The following CUL9 variants were observed in gnomAD, a reference collection of about 807,000 sequenced individuals.
The protein encoded by CUL9 is cullin 9.
Under a neutral mutation model 272.6 loss-of-function variants are expected in CUL9, and 79 were observed. The ratio of observed to expected loss-of-function variants is 0.29; its 90% CI spans 0.24 to 0.35. The LOEUF is 0.35. Among genes scored for constraint, CUL9 ranks in the 10% least tolerant of loss-of-function variants. The pLI, the probability that CUL9 is intolerant of heterozygous loss-of-function variation, is 1.00. For missense variants in CUL9, 2,532 were observed against 3,255.6 expected (o/e 0.78, Z 5.41); for synonymous variants, 1,186 against 1,286.5 (o/e 0.92, Z 1.67).
chr6:43,203,295 G>A lies in CUL9; in HGVS notation c.3849+91G>A. 1 of 1,591,756 alleles carries A rather than the reference G, an allele frequency of 6.3e-7. No individual in the cohort carries two copies. On this transcript the variant is annotated intron_variant, in intron 18 of 40. Transcript: ENST00000252050. The surrounding 1 kb of genome is among the most constrained non-coding windows in gnomAD (Gnocchi z 5.0). ...CTTGGGAGATGGCCCAGGACCTGTTGAGTCCCAGAGATGTGGGGATGTCCT... is the reference window on the plus strand; with the variant it reads ...CTTGGGAGATGGCCCAGGACCTGTTAAGTCCCAGAGATGTGGGGATGTCCT...
rs370309721 is a variant in CUL9 at position 43,187,083 on chromosome 6, G to C, written c.1375G>C (p.Val459Leu). Residue 459 changes from valine to leucine, a missense_variant, in exon 5 of 41, where the codon GTG (valine) becomes CTG (leucine). By Grantham distance (32) the Val-to-Leu change is conservative. This residue lies in a region of CUL9 where 2,218 missense variants were observed against 2,788.6 expected (regional missense o/e 0.80). Transcript: ENST00000252050. ...TGTGGAGAAGGGGGCAGGGGCTACT[G>C]TGTTGGGCACAGGTGAGCCTAAGAG... is the stretch of plus-strand genomic sequence containing the variant. ...AAVEKGAGAT[V>L]LGTAFPSWDW... is the part of the protein sequence containing the mutation. 1.9e-6 allele frequency: 3 copies of C among 1,614,034 alleles called. No homozygotes were observed. Among genetic ancestry groups the C allele is most frequent in the Non-Finnish European group, 2.5e-6 (3 of 1,179,936 alleles).
At chr6:43,202,983 C>A in intron 17 of CUL9, 126 bp from the exon 18 acceptor site, 1 of 1,207,370 alleles carries the variant, frequency 8.3e-7, no homozygotes, top group Non-Finnish European at 1.2e-6. Context: ...AGAGCCACGT[C>A]CATCCCTAGG....
At chr6:43,193,229 G>T in intron 9 of CUL9, 21 bp downstream of exon 9, 1 of 1,609,798 alleles carries the variant, frequency 6.2e-7, no homozygotes, top group Non-Finnish European at 8.5e-7. Flanking sequence ...TGGGCCTGGC[G>T]GGAGAGAACA....
intron 20 of CUL9, 107 bp from the exon 21 acceptor site, chr6:43,204,253 C>G (rs1774866937): frequency 7.2e-7 from 1 of 1,380,594 alleles, no homozygotes; most frequent in Non-Finnish European, 1.0e-6. Context: ...TAGGGCCCCA[C>G]TACCCCTCAA....
chr6:43,222,435 T>C, intron 36 of CUL9, 45 bp downstream of exon 36: 1 of 657,048 alleles, frequency 1.5e-6, no homozygotes, highest in Non-Finnish European at 2.5e-6. Context: ...AGAAGCAGGT[T>C]GGGGTGGTGG....
At position 43,213,615 on chromosome 6, in the gene CUL9, C is replaced by G; in HGVS notation, c.5488+48C>G. On this transcript the variant is annotated intron_variant, in intron 28 of 40. Transcript: ENST00000252050. The surrounding 1 kb of genome is among the most constrained non-coding windows in gnomAD (Gnocchi z 5.7). ...GAGCCTCTGCTGCTGGTCGGGGGGTCGCCCTCAAGATGGGGGGACTGTGAG... is the reference window on the plus strand; with the variant it reads ...GAGCCTCTGCTGCTGGTCGGGGGGTGGCCCTCAAGATGGGGGGACTGTGAG... 1 of 1,601,976 alleles carries G rather than the reference C, an allele frequency of 6.2e-7. No individual in the cohort carries two copies. Among genetic ancestry groups the G allele is most frequent in the Non-Finnish European group, 8.5e-7 (1 of 1,173,396 alleles).
chr6:43,188,877 G>A (rs980406914), intron 8 of CUL9, 162 bp downstream of exon 8: 16 of 581,768 alleles, frequency 2.8e-5, no homozygotes, highest in South Asian at 2.3e-4. Flanking sequence ...TTAATGGCTC[G>A]TATTCTTGGA....
intron 1 of CUL9, among the ~76,000 whole-genome samples, chr6:43,183,737 C>G (rs866346091): frequency 6.9e-6 from 1 of 144,922 alleles, no homozygotes; most frequent in African/African-American, 2.6e-5. Context: ...TTCCTTCCTT[C>G]CTCTCTCTCT....
At chr6:43,214,262 A>G (rs1775754229) in intron 29 of CUL9, among the ~76,000 whole-genome samples, 1 of 152,018 alleles carries the variant, frequency 6.6e-6, no homozygotes, top group Admixed American at 6.6e-5. Flanking sequence ...TCTACCAAAA[A>G]TATAAAAATT....
Position 43,223,192 on chromosome 6 carries a change from T to C in CUL9, c.7151-72T>C. On this transcript the variant is annotated intron_variant, in intron 38 of 40. Coordinates refer to ENST00000252050, the MANE Select transcript of CUL9 (RefSeq NM_015089.4). This position sits in a 1 kb window ranked among gnomAD's most constrained non-coding sequence, Gnocchi z 4.1. ...CACCTGGTGCTTGGTAGACGTTCCA[T>C]AGGTGTTTGTTGGAGGAAGGAATGG... 3 of 1,511,888 alleles carry C rather than the reference T, an allele frequency of 2.0e-6. No individual in the cohort carries two copies. The highest frequency in any genetic ancestry group is 1.3e-5 in the South Asian group (1 of 78,944). The allele number at this position is 1,511,888 out of a possible 1,614,324, so 93.7% of individuals were successfully genotyped here.
Position 43,223,675 on chromosome 6 carries a change from AC to A in CUL9, c.7284+279del. The A allele has an allele frequency of 5.6e-6, 3 of 534,706 alleles. No homozygotes were observed. The highest frequency in any genetic ancestry group is 5.1e-5 in the South Asian group (2 of 39,230). The allele number at this position is 534,706 out of a possible 1,614,324, so 33.1% of individuals were successfully genotyped here. On this transcript the variant is annotated intron_variant, in intron 39 of 40. Coordinates refer to ENST00000252050, the MANE Select transcript of CUL9 (RefSeq NM_015089.4). The surrounding 1 kb of genome is among the most constrained non-coding windows in gnomAD (Gnocchi z 4.1). ...GGTGCCTATCAGAATCACTTGGGGAACTTTTCCAGACTGTACTTCCCAGATA... is the reference window on the plus strand; with the variant it reads ...GGTGCCTATCAGAATCACTTGGGGAATTTTCCAGACTGTACTTCCCAGATA...
rs1243757548 is a variant in CUL9, at chr6:43,184,468, T to C, written c.158T>C (p.Val53Ala). ...CTGAAGTGTGGGGAAGTGGGCAAAG[T>C]GGGTGTGGAAGAAGGCAAAGCAGAG... The part of the protein sequence containing the change: ...SVLKCGEVGK[V>A]GVEEGKAEHI... Residue 53 changes from valine (V) to alanine (A), a missense_variant, in exon 2 of 41, where the codon GTG becomes GCG. Physicochemically the swap from Val to Ala is moderately conservative, Grantham distance 64. Around this residue, in one of 3 missense-constraint regions of CUL9, gnomAD observed 2,218 missense variants for 2,788.6 expected, o/e 0.80. Transcript: ENST00000252050. This position sits in a 1 kb window ranked among gnomAD's most constrained non-coding sequence, Gnocchi z 4.8. 4.3e-6 allele frequency: 7 copies of C among 1,613,444 alleles called. No homozygotes were observed. The Admixed American group carries it at 5.0e-5, about 12-fold the overall frequency.
At position 43,223,793 on chromosome 6, in the gene CUL9, C is replaced by CAGAGTCTAAACTG; in HGVS notation, c.7285-302_7285-301insAGAGTCTAAACTG. 1 of 519,494 alleles carries CAGAGTCTAAACTG rather than the reference C, an allele frequency of 1.9e-6. No homozygotes were observed. The highest frequency in any genetic ancestry group is 2.2e-5 in the South Asian group (1 of 45,824). 32.2% of individuals were successfully genotyped at this position (519,494 alleles called of 1,614,324 possible). A position where few individuals can be genotyped will look rare whatever the true frequency, so the allele number is the denominator to read the frequency against. On this transcript the variant is annotated intron_variant, in intron 39 of 40. Coordinates refer to ENST00000252050, the MANE Select transcript of CUL9 (RefSeq NM_015089.4). This position sits in a 1 kb window ranked among gnomAD's most constrained non-coding sequence, Gnocchi z 4.1. ...TCTCTCCAGCTCTAATGCACTGATG[C>CAGAGTCTAAACTG]TGAGTCTAAACTGTGAGTCCTGTCC...
At position 43,221,831 on chromosome 6, in the gene CUL9, G is replaced by A; in HGVS notation, c.6846+53G>A. On this transcript the variant is annotated intron_variant, in intron 35 of 40. Transcript: ENST00000252050. This position sits in a 1 kb window ranked among gnomAD's most constrained non-coding sequence, Gnocchi z 4.2. ...AGAGGCCCAGAGCCGTCGGGGAGGG[G>A]TGCTGCTACCAGGTCCTGGGCAGAC... is the stretch of plus-strand genomic sequence containing the variant. 2.0e-6 allele frequency: 3 copies of A among 1,506,016 alleles called. No individual in the cohort carries two copies. The highest frequency in any genetic ancestry group is 2.7e-6 in the Non-Finnish European group (3 of 1,096,162). The allele number at this position is 1,506,016 out of a possible 1,614,324, so 93.3% of individuals were successfully genotyped here.
chr6:43,192,884 A>T, intron 8 of CUL9, 117 bp from the exon 9 acceptor site: 5 of 838,320 alleles, frequency 6.0e-6, no homozygotes, highest in Non-Finnish European at 9.7e-6. Context: ...GGTGGGGCAG[A>T]GAGGATGGAC....
At position 43,213,892 on chromosome 6, in the gene CUL9, A is replaced by G. The variant is rs1386444525; in HGVS notation, c.5668A>G (p.Ile1890Val). Reference protein sequence around the residue: ...LKAHGEKGLHIDQLVCLVLEA... With the variant: ...LKAHGEKGLHVDQLVCLVLEA... The stretch of plus-strand genomic sequence containing the variant: ...AGCCCATGGGGAAAAGGGCCTCCAC[A>G]TTGATCAGCTGGTTTGTCTGGTAGG... The change falls in exon 29 of 41, where the codon ATT (isoleucine) becomes GTT (valine). Residue 1890 changes from isoleucine (I) to valine (V), a missense_variant. Physicochemically the swap from Ile to Val is conservative, Grantham distance 29 (BLOSUM62 3). Coordinates refer to ENST00000252050, the MANE Select transcript of CUL9 (RefSeq NM_015089.4). The surrounding 1 kb of genome is among the most constrained non-coding windows in gnomAD (Gnocchi z 5.7). 7 of 1,613,916 alleles carry G rather than the reference A, an allele frequency of 4.3e-6. No individual in the cohort carries two copies. In the African/African-American group the frequency reaches 5.3e-5, roughly 12 times the overall value.
In CUL9 at chr6:43,203,632, G is replaced by A. The variant is rs764203077; in HGVS notation, c.4025+40G>A. ...AGGAGGGAAGATGGGTAAGGGAACA[G>A]GACACTGTGAGAAGTAGGAGGGATG... On this transcript the variant is annotated intron_variant, in intron 19 of 40. Coordinates refer to ENST00000252050, the MANE Select transcript of CUL9 (RefSeq NM_015089.4). The surrounding 1 kb of genome is among the most constrained non-coding windows in gnomAD (Gnocchi z 5.0). 2.5e-6 allele frequency: 4 copies of A among 1,594,660 alleles called. No homozygotes were observed. The highest frequency in any genetic ancestry group is 3.4e-6 in the Non-Finnish European group (4 of 1,169,496).
rs763836218 is a variant in CUL9, at chr6:43,184,594, G to C, written c.284G>C (p.Gly95Ala). 26 of 1,612,690 alleles carry C rather than the reference G, an allele frequency of 1.6e-5. No homozygotes were observed. The highest frequency in any genetic ancestry group is 2.0e-5 in the Non-Finnish European group (24 of 1,178,940). ...LSKGLQHEPA[G>A]VSGSFPRDPG... ...AAGGGACTTCAGCACGAACCAGCTG[G>C]GGTTTCAGGAAGCTTTCCTCGAGAT... The change falls in exon 2 of 41, where the codon GGG becomes GCG. Residue 95 changes from glycine (G) to alanine (A), a missense_variant. This residue lies in a region of CUL9 where 2,218 missense variants were observed against 2,788.6 expected (regional missense o/e 0.80). Transcript: ENST00000252050. The surrounding 1 kb of genome is among the most constrained non-coding windows in gnomAD (Gnocchi z 4.8).
At chr6:43,198,461 A>G in intron 11 of CUL9, 148 bp from the exon 12 acceptor site, 1 of 1,493,134 alleles carries the variant, frequency 6.7e-7, no homozygotes, top group South Asian at 1.4e-5. Context: ...CAGGAAAGAA[A>G]ACCCCTCATA....
Sources: gnomAD v4.1 joint callset for allele counts (sites outside exome capture counted in the v4.1 genomes callset) on GRCh38, gnomAD v4.1.1 for gene constraint, gnomAD v4.1.1 regional missense constraint, Gnocchi (gnomAD v3.1) non-coding constraint, MANE v1.5 for transcripts, NCBI Gene and HGNC (gene_info 2026-07-23, HGNC 2026-07-21) for gene names.